PLXNC1: variants seen among roughly 807,000 people sequenced by gnomAD.
PLXNC1 encodes plexin C1.
Under a neutral mutation model 178.2 loss-of-function variants are expected in PLXNC1, and 75 were observed. That is an observed-to-expected ratio of 0.42 (90% CI 0.35 to 0.51). The LOEUF is 0.51. Among genes scored for constraint, PLXNC1 ranks in the 20% least tolerant of loss-of-function variants. PLXNC1 has a pLI of 0.02. For synonymous variants in PLXNC1, 790 were observed against 779.9 expected (o/e 1.01, Z -0.22); for missense variants, 1,503 against 1,984.4 (o/e 0.76, Z 4.61).
chr12:94,269,275 CTATCTA>C (rs1327510808), intron 21 of PLXNC1, among the ~76,000 whole-genome samples: 1 of 152,166 alleles, frequency 6.6e-6, no homozygotes. Flanking sequence ...CTTCATTCTC[CTATCTA>C]TAAGAAAGTT....
chr12:94,232,235 C>T lies in PLXNC1; in HGVS notation c.1980+5000C>T, dbSNP rs372647912. On this transcript the variant is annotated intron_variant, in intron 9 of 30. Coordinates refer to ENST00000258526, the MANE Select transcript of PLXNC1 (RefSeq NM_005761.3). ...CCAAGTAGCTGGGATTACAGGCACC[C>T]GCCACCATGCCCAGCTAATTTTTTC... 3.9e-5 allele frequency among the ~76,000 whole-genome samples: 6 copies of T among 152,128 alleles called. No individual in the cohort carries two copies. The East Asian group carries it at 7.7e-4, about 20-fold the overall frequency.
In PLXNC1 at chr12:94,252,983, C is replaced by T. The variant is rs543258076; in HGVS notation, c.2881+1455C>T. 2.8e-3 allele frequency among the ~76,000 whole-genome samples: 433 copies of T among 152,208 alleles called. 2 individuals are homozygous for T. The highest frequency in any genetic ancestry group is 3.0e-3 in the Non-Finnish European group (202 of 67,992). On this transcript the variant is annotated intron_variant, in intron 15 of 30. Transcript: ENST00000258526. Reference sequence around the variant, plus strand: ...ATCCCAGCACTTTGGGAGGCTGAGGCGGGTGGATCACGAGGTCAGCAGATC... The same window carrying T: ...ATCCCAGCACTTTGGGAGGCTGAGGTGGGTGGATCACGAGGTCAGCAGATC...
intron 9 of PLXNC1, among the ~76,000 whole-genome samples, chr12:94,233,666 C>T (rs995235326): frequency 2.6e-5 from 4 of 152,172 alleles, no homozygotes; most frequent in Non-Finnish European, 5.9e-5. Flanking sequence ...GGAGCCTGTA[C>T]CGAGGGGCCC....
chr12:94,302,771 ATCATAG>A (rs1463721309), intron 28 of PLXNC1, among the ~76,000 whole-genome samples: 2 of 152,216 alleles, frequency 1.3e-5, no homozygotes, highest in Non-Finnish European at 2.9e-5. Context: ...AATTATTTGT[ATCATAG>A]TAAGCACTTC....
rs112502907 is a variant in PLXNC1 at position 94,222,947 on chromosome 12, G to A, written c.1703-1281G>A. Among the ~76,000 whole-genome samples, 274 of 152,320 alleles carry A rather than the reference G, an allele frequency of 1.8e-3. 2 individuals are homozygous for A. Among genetic ancestry groups the A allele is most frequent in the African/African-American group, 6.5e-3 (270 of 41,566 alleles). ...CACACACACCCTCTGTACGTGAACC[G>A]AATTTTATGTGGAATTCTGACTTTC... On this transcript the variant is annotated intron_variant, in intron 6 of 30. Transcript: ENST00000258526.
At chr12:94,152,751 C>T (rs549085820) in intron 1 of PLXNC1, among the ~76,000 whole-genome samples, 4 of 152,252 alleles carry the variant, frequency 2.6e-5, no homozygotes, top group East Asian at 1.9e-4. Flanking sequence ...TCTTATTTTC[C>T]GTCTTCAATC....
chr12:94,281,306 AAAG>A (rs1966422650), intron 22 of PLXNC1, among the ~76,000 whole-genome samples: 2 of 152,158 alleles, frequency 1.3e-5, no homozygotes, highest in Admixed American at 6.5e-5. Flanking sequence ...AAACCAAAAA[AAAG>A]AAATCCAACA....
At chr12:94,239,726 G>C (rs1418927127) in intron 10 of PLXNC1, among the ~76,000 whole-genome samples, 1 of 152,230 alleles carries the variant, frequency 6.6e-6, no homozygotes, top group Non-Finnish European at 1.5e-5. Flanking sequence ...ATCAGCTGTT[G>C]GACATCAGGA....
At chr12:94,226,266 G>A (rs766132876) in intron 7 of PLXNC1, among the ~76,000 whole-genome samples, 12 of 152,132 alleles carry the variant, frequency 7.9e-5, no homozygotes, top group Admixed American at 3.9e-4. Context: ...GGGTAGAGGC[G>A]GGGAGAGAGA....
intron 4 of PLXNC1, among the ~76,000 whole-genome samples, chr12:94,204,519 T>G (rs547696512): frequency 6.6e-6 from 1 of 152,386 alleles, no homozygotes; most frequent in East Asian, 1.9e-4. Context: ...GAAGATCCAA[T>G]TTTTGAGCTT....
rs145839987 is a variant in PLXNC1, at chr12:94,164,118, G to C, written c.1063-5035G>C. Among the ~76,000 whole-genome samples, 274 of 152,238 alleles carry C rather than the reference G, an allele frequency of 1.8e-3. 3 individuals carry two copies. The highest frequency in any genetic ancestry group is 0.015 in the Admixed American group (234 of 15,296). ...GCAGGGGCCAGAACTTGGGTGCAGG[G>C]CTCCTTCAGGGGTTTCCTAATGGCA... On this transcript the variant is annotated intron_variant, in intron 1 of 30. Coordinates refer to ENST00000258526, the MANE Select transcript of PLXNC1 (RefSeq NM_005761.3).
At chr12:94,268,320 TC>T in intron 21 of PLXNC1, among the ~76,000 whole-genome samples, 1 of 152,322 alleles carries the variant, frequency 6.6e-6, no homozygotes, top group East Asian at 1.9e-4. Flanking sequence ...AATGTTCTCT[TC>T]TTGCATATTG....
intron 2 of PLXNC1, among the ~76,000 whole-genome samples, chr12:94,178,819 G>T (rs1174145952): frequency 1.3e-5 from 2 of 152,154 alleles, no homozygotes; most frequent in Admixed American, 6.5e-5. Flanking sequence ...ATATTTGATA[G>T]TGCAGCTATA....
In PLXNC1 at chr12:94,307,401, A is replaced by G. The variant is rs867611198; in HGVS notation, c.*2116A>G. 18 of 152,194 alleles carry G rather than the reference A, an allele frequency of 1.2e-4. No homozygotes were observed. The highest frequency in any genetic ancestry group is 2.1e-4 in the South Asian group (1 of 4,822). 9.4% of individuals were successfully genotyped at this position (152,194 alleles called of 1,614,324 possible). A position where few individuals can be genotyped will look rare whatever the true frequency, so the allele number is the denominator to read the frequency against. ...CCAAATTAGATGTGTGCTGAAGACA[A>G]TCAGTCACTGGGTCTATATTAAACA... On this transcript the variant is annotated 3_prime_UTR_variant, in exon 31 of 31. Coordinates refer to ENST00000258526, the MANE Select transcript of PLXNC1 (RefSeq NM_005761.3).
intron 1 of PLXNC1, among the ~76,000 whole-genome samples, chr12:94,168,937 A>G (rs1961733903): frequency 6.8e-6 from 1 of 148,098 alleles, no homozygotes; most frequent in African/African-American, 2.4e-5. Context: ...ACCTGTTCAT[A>G]CATAGTAAAC....
chr12:94,254,845 A>G lies in PLXNC1; in HGVS notation c.2940A>G (p.Gln980=). 6.2e-7 allele frequency: 1 copy of G among 1,612,290 alleles called. No individual in the cohort carries two copies. The highest frequency in any genetic ancestry group is 8.5e-7 in the Non-Finnish European group (1 of 1,179,624). Residue 980 remains glutamine (Q), a synonymous_variant, in exon 16 of 31, where the codon CAA becomes CAG. Coordinates refer to ENST00000258526, the MANE Select transcript of PLXNC1 (RefSeq NM_005761.3). ...AGCTGAGTCGCAAACAGAGTCAACA[A>G]CTAGAATTGCTGGAAAGCGAGCTCC... The part of the protein sequence containing the change: ...SKELSRKQSQ[Q]LELLESELRK...
chr12:94,244,613 T>C (rs1726901), intron 12 of PLXNC1, among the ~76,000 whole-genome samples: 109,127 of 152,108 alleles, frequency 0.72, 40,248 homozygotes, highest in East Asian at 0.95. Context: ...CAGATGGGGA[T>C]CCTCTAGAGC....
intron 2 of PLXNC1, among the ~76,000 whole-genome samples, chr12:94,171,654 G>A (rs1961850252): frequency 6.6e-6 from 1 of 152,148 alleles, no homozygotes; most frequent in Admixed American, 6.5e-5. Context: ...AGGATTCCGG[G>A]GGCACATGGG....
At chr12:94,259,462 C>A in intron 18 of PLXNC1, 87 bp downstream of exon 18, 1 of 1,214,960 alleles carries the variant, frequency 8.2e-7, no homozygotes, top group Admixed American at 2.5e-5. Context: ...ATTATTATTA[C>A]TTTGAATTTT....
Sources: allele counts gnomAD v4.1 joint callset (sites outside exome capture counted in the v4.1 genomes callset), GRCh38; gene constraint gnomAD v4.1.1; transcripts MANE v1.5; gene names NCBI Gene and HGNC (gene_info 2026-07-23, HGNC 2026-07-21).